IL37: variants seen among roughly 807,000 people sequenced by gnomAD.
IL37 encodes interleukin-37.
Under a neutral mutation model 15.4 loss-of-function variants are expected in IL37, and 15 were observed. That is an observed-to-expected ratio of 0.98 (90% CI 0.65 to 1.50). The LOEUF (loss-of-function observed/expected upper bound fraction) is 1.50. IL37 is among the 40% of genes most tolerant of loss of function. The probability of loss-of-function intolerance (pLI) is 0.00; values close to 1 mark genes in which losing one functional copy is unlikely to be tolerated. For synonymous variants in IL37, 98 were observed against 97.4 expected (o/e 1.01, Z -0.03); for missense variants, 269 against 261.7 (o/e 1.03, Z -0.19).
chr2:112,917,742 G>T lies in IL37; in HGVS notation c.373G>T (p.Asp125Tyr), dbSNP rs760156316. Residue 125 changes from aspartate (D) to tyrosine (Y), a missense_variant, in exon 5 of 6, where the codon GAT becomes TAT. Physicochemically the swap from Asp to Tyr is radical, Grantham distance 160 (BLOSUM62 -3). Transcript: ENST00000263326. The stretch of plus-strand genomic sequence containing the variant: ...GGAGTTTTGTCTCTACTGTGACAAG[G>T]ATAAAGGACAAAGTCATCCATCCCT... ...KGEFCLYCDK[D>Y]KGQSHPSLQL... The T allele has an allele frequency of 6.2e-7, 1 of 1,614,170 alleles. No homozygotes were observed. Among genetic ancestry groups the T allele is most frequent in the East Asian group, 2.2e-5 (1 of 44,886 alleles).
At chr2:112,913,762 AT>A (rs1558801024) in intron 2 of IL37, 29 bp from the exon 3 acceptor site, 1 of 1,599,362 alleles carries the variant, frequency 6.3e-7, no homozygotes, top group Admixed American at 1.7e-5. Flanking sequence ...TCCGAATTGC[AT>A]ATGCTAACCT....
intron 5 of IL37, 140 bp downstream of exon 5, chr2:112,917,917 A>G: frequency 1.2e-6 from 1 of 860,380 alleles, no homozygotes; most frequent in East Asian, 2.5e-5. Context: ...AGCACCAGGC[A>G]GAAGAGCCCC....
rs1271781753 is a variant in IL37, at chr2:112,917,130, T to C, written c.147T>C (p.Ser49=). Reference sequence around the variant, plus strand: ...TGATATCTGGTGATATTGATCTAGGTCCAAAGGTGAAGAACTTAAACCCGA... The same window carrying C: ...TGATATCTGGTGATATTGATCTAGGCCCAAAGGTGAAGAACTTAAACCCGA... The part of the protein sequence containing the change: ...SLPTMNFVHT[S]PKVKNLNPKK... The change falls in exon 4 of 6, where the codon AGT becomes AGC. Residue 49 remains serine, a splice_region_variant and synonymous_variant. Transcript: ENST00000263326. The C allele has an allele frequency of 6.8e-6, 11 of 1,613,840 alleles. No homozygotes were observed. The highest frequency in any genetic ancestry group is 9.3e-6 in the Non-Finnish European group (11 of 1,179,872).
rs1037963938 is a variant in IL37 at position 112,917,311 on chromosome 2, G to A, written c.265+63G>A. On this transcript the variant is annotated intron_variant, in intron 4 of 5. Transcript: ENST00000263326. ...TAGCAGGGGTAAGGCCTCCTGCTAG[G>A]TGGGCTCAACTCCATGCTATACCAT... is the stretch of plus-strand genomic sequence containing the variant. The A allele has an allele frequency of 5.7e-6, 9 of 1,581,358 alleles. 1 individual carries two copies. Among genetic ancestry groups the A allele is most frequent in the Admixed American group, 3.5e-5 (2 of 56,424 alleles).
intron 3 of IL37, 126 bp downstream of exon 3, chr2:112,913,980 G>A: frequency 1.4e-6 from 1 of 732,492 alleles, no homozygotes; most frequent in Non-Finnish European, 2.3e-6. Context: ...GTGCTGGATG[G>A]GGCTGAAGTC....
chr2:112,913,895 G>C, intron 3 of IL37, 41 bp downstream of exon 3: 1 of 1,527,968 alleles, frequency 6.5e-7, no homozygotes, highest in Non-Finnish European at 9.1e-7. Flanking sequence ...GCTGAGGTGC[G>C]AGGGTGGGGA....
At chr2:112,916,202 TG>T (rs1683307307) in intron 3 of IL37, among the ~76,000 whole-genome samples, 1 of 152,232 alleles carries the variant, frequency 6.6e-6, no homozygotes, top group Admixed American at 6.5e-5. Context: ...CATAGTGTGG[TG>T]GTTACTGTGT....
At chr2:112,914,812 C>T (rs1683262674) in intron 3 of IL37, among the ~76,000 whole-genome samples, 1 of 152,170 alleles carries the variant, frequency 6.6e-6, no homozygotes, top group South Asian at 2.1e-4. Context: ...CAAGTCTGGT[C>T]CTCAAACGTC....
intron 1 of IL37, among the ~76,000 whole-genome samples, chr2:112,912,169 T>C (rs1006846811): frequency 2.0e-5 from 3 of 152,226 alleles, no homozygotes; most frequent in Non-Finnish European, 2.9e-5. Context: ...ACAAATCACT[T>C]AACTTTTGAT....
chr2:112,918,536 C>G (rs746524603), intron 5 of IL37, 25 bp from the exon 6 acceptor site: 3 of 1,595,124 alleles, frequency 1.9e-6, no homozygotes, highest in Middle Eastern at 2.3e-4. Flanking sequence ...CCTGTGCTAT[C>G]TAATTAATCC....
Position 112,918,610 on chromosome 2 carries a change from C to T in IL37, c.458C>T (p.Pro153Leu). The T allele has an allele frequency of 6.2e-7, 1 of 1,613,658 alleles. No individual in the cohort carries two copies. Among genetic ancestry groups the T allele is most frequent in the Non-Finnish European group, 8.5e-7 (1 of 1,179,974 alleles). The change falls in exon 6 of 6, where the codon CCC (proline) becomes CTC (leucine). Residue 153 changes from proline (P) to leucine (L), a missense_variant. By Grantham distance (98) the Pro-to-Leu change is moderately conservative. Coordinates refer to ENST00000263326, the MANE Select transcript of IL37 (RefSeq NM_014439.4). ...GCCCAAAAGGAATCAGCACGCCGGCCCTTCATCTTTTATAGGGCTCAGGTG... is the reference window on the plus strand; with the variant it reads ...GCCCAAAAGGAATCAGCACGCCGGCTCTTCATCTTTTATAGGGCTCAGGTG... ...LAAQKESARR[P>L]FIFYRAQVGS...
chr2:112,913,857 A>T lies in IL37; in HGVS notation c.145+3A>T. ...CACCATGAATTTTGTTCACACAAGT[A>T]AGGCCTCGGGGTGAGGTGATGGGGG... On this transcript the variant is annotated splice_donor_region_variant and intron_variant, in intron 3 of 5. Transcript: ENST00000263326. 1 of 1,612,904 alleles carries T rather than the reference A, an allele frequency of 6.2e-7. No individual in the cohort carries two copies. Among genetic ancestry groups the T allele is most frequent in the Non-Finnish European group, 8.5e-7 (1 of 1,178,916 alleles).
Position 112,913,100 on chromosome 2 carries a change from G to T in IL37, c.82+6G>T, listed in dbSNP as rs757570375. The stretch of plus-strand genomic sequence containing the variant: ...ACCCCAGTGCTGCTTAGAAGGTAAG[G>T]TTCTTGTAGAAATCTACCTCAGGGC... On this transcript the variant is annotated splice_donor_region_variant and intron_variant, in intron 2 of 5. Coordinates refer to ENST00000263326, the MANE Select transcript of IL37 (RefSeq NM_014439.4). 4 of 1,536,820 alleles carry T rather than the reference G, an allele frequency of 2.6e-6. No homozygotes were observed. The South Asian group carries it at 3.8e-5, about 15-fold the overall frequency.
chr2:112,915,314 C>A, intron 3 of IL37: 1 of 1,430,314 alleles, frequency 7.0e-7, no homozygotes, highest in South Asian at 1.2e-5. Flanking sequence ...GAGCATTTTC[C>A]AGTCTCACCC....
At position 112,917,193 on chromosome 2, in the gene IL37, G is replaced by A. The variant is rs966525822; in HGVS notation, c.210G>A (p.Leu70=). The change falls in exon 4 of 6, where the codon CTG becomes CTA. Residue 70 remains leucine, a synonymous_variant. Transcript: ENST00000263326. The part of the protein sequence containing the change: ...FSIHDQDHKV[L]VLDSGNLIAV... Reference sequence around the variant, plus strand: ...TTCATGACCAGGATCACAAAGTACTGGTCCTGGACTCTGGGAATCTCATAG... The same window carrying A: ...TTCATGACCAGGATCACAAAGTACTAGTCCTGGACTCTGGGAATCTCATAG... 6.2e-7 allele frequency: 1 copy of A among 1,614,122 alleles called. No individual in the cohort carries two copies. The highest frequency in any genetic ancestry group is 8.5e-7 in the Non-Finnish European group (1 of 1,179,974).
chr2:112,913,580 G>A (rs902994528), intron 2 of IL37, among the ~76,000 whole-genome samples: 1 of 152,196 alleles, frequency 6.6e-6, no homozygotes, highest in African/African-American at 2.4e-5. Context: ...TGACGGGAGA[G>A]GCCTGTGACA....
intron 3 of IL37, among the ~76,000 whole-genome samples, chr2:112,916,501 T>C (rs1024835318): frequency 3.9e-5 from 6 of 152,174 alleles, no homozygotes; most frequent in African/African-American, 1.2e-4. Context: ...GGTGCAAGAT[T>C]TGTGGCTTTT....
chr2:112,918,462 C>A, intron 5 of IL37, 99 bp from the exon 6 acceptor site: 1 of 1,362,630 alleles, frequency 7.3e-7, no homozygotes, highest in Non-Finnish European at 1.0e-6. Context: ...TCTCTCTTTT[C>A]CTCCTCTCCT....
chr2:112,913,159 G>A lies in IL37; in HGVS notation c.82+65G>A, dbSNP rs1348357921. 5.1e-6 allele frequency: 6 copies of A among 1,166,100 alleles called. No homozygotes were observed. The South Asian group carries it at 1.0e-4, about 20-fold the overall frequency. 72.2% of individuals were successfully genotyped at this position (1,166,100 alleles called of 1,614,324 possible). On this transcript the variant is annotated intron_variant, in intron 2 of 5. Coordinates refer to ENST00000263326, the MANE Select transcript of IL37 (RefSeq NM_014439.4). The stretch of plus-strand genomic sequence containing the variant: ...AATTCCTAGAGCAGAACTTTGCTAG[G>A]TGCTGTGCACAGACCCAGTTGTTTC...
Sources: gnomAD v4.1 joint callset for allele counts (sites outside exome capture counted in the v4.1 genomes callset) on GRCh38, gnomAD v4.1.1 for gene constraint, MANE v1.5 for transcripts, NCBI Gene and HGNC (gene_info 2026-07-23, HGNC 2026-07-21) for gene names.